Variants in GALNT18 observed in about 807,000 individuals in gnomAD.
The protein encoded by GALNT18 is GalNAc-transferase 18.
Under a neutral mutation model 69.5 loss-of-function variants are expected in GALNT18, and 44 were observed. The ratio of observed to expected loss-of-function variants is 0.63; its 90% CI spans 0.50 to 0.81. The LOEUF (loss-of-function observed/expected upper bound fraction) is 0.81, where lower values mean the gene tolerates loss of function less well. GALNT18 is among the 40% of genes least tolerant of loss of function. GALNT18 has a pLI of 0.00. For missense variants in GALNT18, 715 were observed against 810.0 expected, an observed-to-expected ratio of 0.88 and a Z score of 1.42; for synonymous variants, 364 against 318.2, an observed-to-expected ratio of 1.14 and a Z score of -1.53.
intron 6 of GALNT18, among the ~76,000 whole-genome samples, chr11:11,364,592 A>G (rs1329294410): frequency 2.0e-5 from 3 of 152,222 alleles, no homozygotes; most frequent in African/African-American, 7.2e-5. Context: ...TCAGTAGATT[A>G]TGGAGACTGG....
At chr11:11,319,396 G>A (rs1849807573) in intron 9 of GALNT18, among the ~76,000 whole-genome samples, 1 of 152,196 alleles carries the variant, frequency 6.6e-6, no homozygotes, top group Non-Finnish European at 1.5e-5. Flanking sequence ...GCTTCACAAG[G>A]ACAGTCACTT....
In GALNT18 at chr11:11,340,291, T is replaced by TGTCTAAAAACTGCCCAGAATAACTG. The variant is rs1554918735; in HGVS notation, c.1278+527_1278+528insCAGTTATTCTGGGCAGTTTTTAGAC. On this transcript the variant is annotated intron_variant, in intron 7 of 10. Coordinates refer to ENST00000227756, the MANE Select transcript of GALNT18 (RefSeq NM_198516.3). The surrounding 1 kb of genome is among the most constrained non-coding windows in gnomAD (Gnocchi z 4.2). Reference sequence around the variant, plus strand: ...ATGATGAGGCTCTGTGAAGGTTAACTCCATCTCCTAGTGAAGGTCCCTGTA... The same window carrying TGTCTAAAAACTGCCCAGAATAACTG: ...ATGATGAGGCTCTGTGAAGGTTAACTGTCTAAAAACTGCCCAGAATAACTGCCATCTCCTAGTGAAGGTCCCTGTA... Among the ~76,000 whole-genome samples the TGTCTAAAAACTGCCCAGAATAACTG allele has an allele frequency of 1.6e-4, 24 of 151,912 alleles. 1 individual carries two copies. In the South Asian group the frequency reaches 4.8e-3, roughly 30 times the overall value.
chr11:11,579,968 C>T (rs970257099), intron 1 of GALNT18, among the ~76,000 whole-genome samples: 1 of 152,192 alleles, frequency 6.6e-6, no homozygotes, highest in Non-Finnish European at 1.5e-5. Flanking sequence ...GTGCCCCAAC[C>T]CCTCAGTGTG....
In GALNT18 at chr11:11,511,122, G is replaced by A. The variant is rs555925413; in HGVS notation, c.236-62186C>T. ...GCTGCAGCTGAAGGCCTTCTCTCCC[G>A]GGGGTTGTAAAAACAGGCTGCCCCT... On this transcript the variant is annotated intron_variant, in intron 1 of 10. Transcript: ENST00000227756. This position sits in a 1 kb window ranked among gnomAD's most constrained non-coding sequence, Gnocchi z 4.9. Among the ~76,000 whole-genome samples, 72 of 150,682 alleles carry A rather than the reference G, an allele frequency of 4.8e-4. No individual in the cohort carries two copies. Among genetic ancestry groups the A allele is most frequent in the Admixed American group, 2.8e-3 (43 of 15,158 alleles).
At chr11:11,537,728 C>A (rs747273851) in intron 1 of GALNT18, among the ~76,000 whole-genome samples, 1 of 152,148 alleles carries the variant, frequency 6.6e-6, no homozygotes, top group African/African-American at 2.4e-5. Context: ...TAGGACCTCA[C>A]CCTGGACGCA....
chr11:11,317,919 GC>G (rs1849784404), intron 9 of GALNT18, among the ~76,000 whole-genome samples: 1 of 152,190 alleles, frequency 6.6e-6, no homozygotes, highest in Non-Finnish European at 1.5e-5. Flanking sequence ...TCCCATCTTT[GC>G]CAGTAACTTG....
Position 11,421,927 on chromosome 11 carries a change from C to T in GALNT18, c.595+10694G>A, listed in dbSNP as rs191338798. 3.3e-5 allele frequency among the ~76,000 whole-genome samples: 5 copies of T among 152,338 alleles called. No homozygotes were observed. In the East Asian group the frequency reaches 9.6e-4, roughly 29 times the overall value. ...CAGACTTTATTTTAGCCCCTACGTG[C>T]CCCTGGCCTGGGTGCCCTGGCATAG... On this transcript the variant is annotated intron_variant, in intron 3 of 10. Transcript: ENST00000227756. The surrounding 1 kb of genome is among the most constrained non-coding windows in gnomAD (Gnocchi z 5.6).
intron 10 of GALNT18, among the ~76,000 whole-genome samples, chr11:11,278,321 A>ACAT (rs1433181199): frequency 6.7e-6 from 1 of 150,112 alleles, no homozygotes; most frequent in Non-Finnish European, 1.5e-5. Context: ...CAACGAGAAC[A>ACAT]CATGGACACG....
intron 1 of GALNT18, among the ~76,000 whole-genome samples, chr11:11,462,187 C>T (rs921926718): frequency 6.6e-6 from 1 of 152,150 alleles, no homozygotes; most frequent in East Asian, 1.9e-4. Flanking sequence ...GTCCACGGTC[C>T]CCACTCTGAG....
chr11:11,406,983 T>C (rs899745416), intron 3 of GALNT18, among the ~76,000 whole-genome samples: 8 of 152,130 alleles, frequency 5.3e-5, no homozygotes, highest in African/African-American at 1.9e-4. Context: ...CGGGGCCAGG[T>C]TGGACCAGGA....
At chr11:11,325,272 G>A (rs761850504) in intron 9 of GALNT18, among the ~76,000 whole-genome samples, 17 of 152,254 alleles carry the variant, frequency 1.1e-4, no homozygotes, top group East Asian at 5.8e-4. Context: ...ACCAAATATC[G>A]TACGTTTTCA....
In GALNT18 at chr11:11,387,133, G is replaced by C. The variant is rs1854076900; in HGVS notation, c.596-7869C>G. On this transcript the variant is annotated intron_variant, in intron 3 of 10. Transcript: ENST00000227756. The surrounding 1 kb of genome is among the most constrained non-coding windows in gnomAD (Gnocchi z 4.6). The stretch of plus-strand genomic sequence containing the variant: ...AGGATGTAAATGCAGTCTGAAAACG[G>C]CTGCCTCACACCTGCCCAGGTAATT... Among the ~76,000 whole-genome samples the C allele has an allele frequency of 6.6e-6, 1 of 152,202 alleles. No individual in the cohort carries two copies. Among genetic ancestry groups the C allele is most frequent in the African/African-American group, 2.4e-5 (1 of 41,454 alleles).
At chr11:11,350,594 A>T (rs954582413) in intron 6 of GALNT18, among the ~76,000 whole-genome samples, 1 of 151,798 alleles carries the variant, frequency 6.6e-6, no homozygotes, top group Non-Finnish European at 1.5e-5. Flanking sequence ...CCTATTGCTC[A>T]CTGACACCTG....
At position 11,377,476 on chromosome 11, in the gene GALNT18, A is replaced by C. The variant is rs936895751; in HGVS notation, c.780-97T>G. The C allele has an allele frequency of 1.2e-5, 13 of 1,073,698 alleles. No homozygotes were observed. In the African/African-American group the frequency reaches 1.9e-4, roughly 15 times the overall value. The allele number at this position is 1,073,698 out of a possible 1,614,324, so 66.5% of individuals were successfully genotyped here. On this transcript the variant is annotated intron_variant, in intron 4 of 10. Transcript: ENST00000227756. This position sits in a 1 kb window ranked among gnomAD's most constrained non-coding sequence, Gnocchi z 4.6. ...AAGGTCCTTCCCCAGCAGAAAGAGG[A>C]AGGAAGGCCTGCCCATCTCCTCTGA...
At chr11:11,275,277 G>C (rs563458649) in intron 10 of GALNT18, among the ~76,000 whole-genome samples, 6 of 152,332 alleles carry the variant, frequency 3.9e-5, no homozygotes, top group South Asian at 4.1e-4. Flanking sequence ...GTTTTGATTT[G>C]CATTTCTCTA....
In GALNT18 at chr11:11,332,933, A is replaced by T; in HGVS notation, c.1279-102T>A. On this transcript the variant is annotated intron_variant, in intron 7 of 10. Coordinates refer to ENST00000227756, the MANE Select transcript of GALNT18 (RefSeq NM_198516.3). The surrounding 1 kb of genome is among the most constrained non-coding windows in gnomAD (Gnocchi z 4.3). ...CTTGTGCCCCCAACAAGATTCCTAG[A>T]GACTGGGGAAGGGACCATGTGGCAC... The T allele has an allele frequency of 7.7e-7, 1 of 1,293,920 alleles. No individual in the cohort carries two copies. The allele number at this position is 1,293,920 out of a possible 1,614,324, so 80.2% of individuals were successfully genotyped here.
intron 10 of GALNT18, among the ~76,000 whole-genome samples, chr11:11,273,369 C>T (rs374723687): frequency 6.6e-6 from 1 of 151,066 alleles, no homozygotes; most frequent in African/African-American, 2.4e-5. Context: ...GGCAAAAAAT[C>T]CAATTAAAAA....
At chr11:11,484,412 G>C (rs543407240) in intron 1 of GALNT18, among the ~76,000 whole-genome samples, 1 of 152,058 alleles carries the variant, frequency 6.6e-6, no homozygotes, top group East Asian at 1.9e-4. Flanking sequence ...GACCAACATG[G>C]AGAAACCCCC....
chr11:11,459,141 T>C lies in GALNT18; in HGVS notation c.236-10205A>G, dbSNP rs547658458. ...TTGAATATGTCAAGTGCCCTAATAA[T>C]GGTAAGTAAATGCACTATTCTGTTG... On this transcript the variant is annotated intron_variant, in intron 1 of 10. Transcript: ENST00000227756. The surrounding 1 kb of genome is among the most constrained non-coding windows in gnomAD (Gnocchi z 5.0). Among the ~76,000 whole-genome samples the C allele has an allele frequency of 7.9e-5, 12 of 152,300 alleles. No individual in the cohort carries two copies. Among genetic ancestry groups the C allele is most frequent in the African/African-American group, 2.6e-4 (11 of 41,568 alleles).
Sources: allele counts gnomAD v4.1 joint callset (sites outside exome capture counted in the v4.1 genomes callset), GRCh38; gene constraint gnomAD v4.1.1; non-coding constraint Gnocchi (gnomAD v3.1); transcripts MANE v1.5; gene names NCBI Gene and HGNC (gene_info 2026-07-23, HGNC 2026-07-21).